DISP3: variants seen among roughly 807,000 people sequenced by gnomAD.
DISP3 encodes dispatched RND transporter family member 3, also known as protein dispatched homolog 3.
DISP3 carries 101 observed loss-of-function variants against 135.3 expected under a neutral mutation model. The ratio of observed to expected loss-of-function variants is 0.75; its 90% CI spans 0.64 to 0.88. The LOEUF (loss-of-function observed/expected upper bound fraction) is 0.88, where lower values mean the gene tolerates loss of function less well. Ranked by LOEUF, DISP3 falls within the 40% of genes least tolerant of loss-of-function variation. DISP3 has a pLI of 0.00. For missense variants in DISP3, 1,713 were observed against 1,878.6 expected (o/e 0.91, Z 1.63); for synonymous variants, 856 against 817.0 (o/e 1.05, Z -0.81).
At chr1:11,496,917 A>G (rs1305117017) in intron 1 of DISP3, among the ~76,000 whole-genome samples, 1 of 152,240 alleles carries the variant, frequency 6.6e-6, no homozygotes, top group African/African-American at 2.4e-5. Flanking sequence ...GGCCACCCAG[A>G]AAGCTGGTGG....
intron 11 of DISP3, 57 bp downstream of exon 11, chr1:11,524,112 C>T (rs575031926): frequency 3.1e-6 from 4 of 1,292,560 alleles, no homozygotes; most frequent in African/African-American, 1.5e-5. Flanking sequence ...GTTGAAGGCC[C>T]TGTAAGGAGA....
intron 19 of DISP3, 128 bp from the exon 20 acceptor site, chr1:11,535,350 A>G: frequency 7.5e-7 from 1 of 1,333,720 alleles, no homozygotes; most frequent in Non-Finnish European, 1.0e-6. Flanking sequence ...CCCCTCCCTC[A>G]GGGGTCCCCT....
rs1642685332 is a variant in DISP3 at position 11,535,486 on chromosome 1, T to C, written c.3658T>C (p.Cys1220Arg). The C allele has an allele frequency of 1.2e-6, 2 of 1,607,438 alleles. No individual in the cohort carries two copies. The highest frequency in any genetic ancestry group is 1.7e-6 in the Non-Finnish European group (2 of 1,176,122). ...PVLLSILGIV[C>R]LVVTIMYWSG... ...CTGCTGTCTCCTTGCAGGCATCGTG[T>C]GCCTGGTGGTGACCATCATGTACTG... Residue 1220 changes from cysteine (C) to arginine (R), a missense_variant, in exon 20 of 21, where the codon TGC becomes CGC. Coordinates refer to ENST00000294484, the MANE Select transcript of DISP3 (RefSeq NM_020780.2).
rs1642509524 is a variant in DISP3 at position 11,529,250 on chromosome 1, T to C, written c.2799-306T>C. Among the ~76,000 whole-genome samples, 1 of 152,068 alleles carries C rather than the reference T, an allele frequency of 6.6e-6. No individual in the cohort carries two copies. The highest frequency in any genetic ancestry group is 1.5e-5 in the Non-Finnish European group (1 of 67,974). ...ACCCTCGTACCCCCGGGGGACAGTT[T>C]GAAAGCTGCTGGTCTTCTCCACCCT... On this transcript the variant is annotated intron_variant, in intron 13 of 20. Coordinates refer to ENST00000294484, the MANE Select transcript of DISP3 (RefSeq NM_020780.2). This position sits in a 1 kb window ranked among gnomAD's most constrained non-coding sequence, Gnocchi z 4.7.
At position 11,531,630 on chromosome 1, in the gene DISP3, C is replaced by T. The variant is rs1642578827; in HGVS notation, c.3295C>T (p.Leu1099=). ...PECKELPEPN[L]LPGQLSHGAV... ...GTGCAAGGAGCTGCCCGAGCCCAAC[C>T]TGCTCCCGGGGCAGCTGTCCCACGG... The change falls in exon 17 of 21, where the codon CTG becomes TTG. Residue 1099 remains leucine (L), a synonymous_variant. Transcript: ENST00000294484. This position sits in a 1 kb window ranked among gnomAD's most constrained non-coding sequence, Gnocchi z 5.2. The T allele has an allele frequency of 1.2e-6, 2 of 1,613,398 alleles. No homozygotes were observed. Among genetic ancestry groups the T allele is most frequent in the Non-Finnish European group, 1.7e-6 (2 of 1,179,940 alleles).
chr1:11,535,530 G>A lies in DISP3; in HGVS notation c.3702G>A (p.Gly1234=), dbSNP rs753068899. ...TIMYWSGWEM[G]AVEAISLSIL... ...TGTACTGGAGCGGCTGGGAGATGGG[G>A]GCTGTGGAAGCCATCTCCCTGTCCA... is the stretch of plus-strand genomic sequence containing the variant. Residue 1234 remains glycine (G), a synonymous_variant, in exon 20 of 21, where the codon GGG becomes GGA. Coordinates refer to ENST00000294484, the MANE Select transcript of DISP3 (RefSeq NM_020780.2). 1.2e-6 allele frequency: 2 copies of A among 1,613,100 alleles called. No individual in the cohort carries two copies. Among genetic ancestry groups the A allele is most frequent in the Non-Finnish European group, 8.5e-7 (1 of 1,179,880 alleles).
Position 11,502,161 on chromosome 1 carries a change from G to GCCAGGCCCAGGCCCAGGC in DISP3, c.1096+84_1096+101dup, listed in dbSNP as rs574431695. On this transcript the variant is annotated intron_variant, in intron 2 of 20. Transcript: ENST00000294484. ...AGCTCTTTATGGAGATTTGGCCCAG[G>GCCAGGCCCAGGCCCAGGC]CCAGGCCCAGGCCCAGGCCCAGGCC... 3.3e-6 allele frequency: 5 copies of GCCAGGCCCAGGCCCAGGC among 1,495,202 alleles called. No homozygotes were observed. The African/African-American group carries it at 4.2e-5, about 13-fold the overall frequency. The allele number at this position is 1,495,202 out of a possible 1,614,324, so 92.6% of individuals were successfully genotyped here.
chr1:11,512,833 C>T (rs1044163112), intron 3 of DISP3, among the ~76,000 whole-genome samples: 35 of 152,248 alleles, frequency 2.3e-4, no homozygotes, highest in Admixed American at 8.5e-4. Context: ...CTTACAGTTC[C>T]GCATGGCTGG....
intron 1 of DISP3, among the ~76,000 whole-genome samples, chr1:11,486,382 A>C (rs1349475596): frequency 6.6e-6 from 1 of 152,174 alleles, no homozygotes. Flanking sequence ...GCCGGAAGAG[A>C]ACCCCCGCCC....
rs185923542 is a variant in DISP3, at chr1:11,488,741, G to A, written c.-4+9369G>A. 7.4e-4 allele frequency among the ~76,000 whole-genome samples: 113 copies of A among 152,258 alleles called. 1 individual carries two copies. The Middle Eastern group carries it at 0.017, about 23-fold the overall frequency. On this transcript the variant is annotated intron_variant, in intron 1 of 20. Transcript: ENST00000294484. ...GGGAGGACTGATTCTAGGACCCTGA[G>A]ATTTTCAAACATGTAAGACTCAAAT... is the stretch of plus-strand genomic sequence containing the variant.
chr1:11,534,758 C>A, intron 18 of DISP3: 1 of 776,212 alleles, frequency 1.3e-6, no homozygotes. Context: ...ACTTTGGCCA[C>A]CTAAAAAGTA....
intron 15 of DISP3, among the ~76,000 whole-genome samples, chr1:11,530,404 T>G (rs1184291518): frequency 2.6e-5 from 4 of 152,152 alleles, no homozygotes; most frequent in Non-Finnish European, 5.9e-5. Flanking sequence ...GTGCTAAGGA[T>G]TCCTAGGAGG....
At position 11,536,955 on chromosome 1, in the gene DISP3, A is replaced by G. The variant is rs1368627830; in HGVS notation, c.*269A>G. 5 of 489,922 alleles carry G rather than the reference A, an allele frequency of 1.0e-5. No individual in the cohort carries two copies. Among genetic ancestry groups the G allele is most frequent in the Non-Finnish European group, 1.8e-5 (5 of 276,512 alleles). The allele number at this position is 489,922 out of a possible 1,614,324, so 30.3% of individuals were successfully genotyped here. A position where few individuals can be genotyped will look rare whatever the true frequency, so the allele number is the denominator to read the frequency against. ...GGCAGAAGAGACCAGCCCTCCTCCC[A>G]TGCCCGGTCACCATGGGGGTCAGGT... On this transcript the variant is annotated 3_prime_UTR_variant, in exon 21 of 21. Coordinates refer to ENST00000294484, the MANE Select transcript of DISP3 (RefSeq NM_020780.2). This position sits in a 1 kb window ranked among gnomAD's most constrained non-coding sequence, Gnocchi z 4.3.
chr1:11,519,225 G>T lies in DISP3; in HGVS notation c.1890-130G>T, dbSNP rs1325665975. ...AGGTGACCAGCTCCCAGAAGTCTGGGGTGCTCATCCTGTGTGTGACGTCAG... is the reference window on the plus strand; with the variant it reads ...AGGTGACCAGCTCCCAGAAGTCTGGTGTGCTCATCCTGTGTGTGACGTCAG... On this transcript the variant is annotated intron_variant, in intron 7 of 20. Transcript: ENST00000294484. This position sits in a 1 kb window ranked among gnomAD's most constrained non-coding sequence, Gnocchi z 4.3. 2 of 1,130,644 alleles carry T rather than the reference G, an allele frequency of 1.8e-6. No individual in the cohort carries two copies. Among genetic ancestry groups the T allele is most frequent in the South Asian group, 1.5e-5 (1 of 64,770 alleles). The allele number at this position is 1,130,644 out of a possible 1,614,324, so 70.0% of individuals were successfully genotyped here.
chr1:11,522,484 A>T (rs1263917017), intron 10 of DISP3, among the ~76,000 whole-genome samples: 1 of 152,018 alleles, frequency 6.6e-6, no homozygotes, highest in African/African-American at 2.4e-5. Context: ...CCTCCTGCCC[A>T]CAGATGGACA....
chr1:11,532,499 C>T (rs1206114041), intron 17 of DISP3, among the ~76,000 whole-genome samples: 1 of 152,186 alleles, frequency 6.6e-6, no homozygotes, highest in Non-Finnish European at 1.5e-5. Context: ...CCCACCCTGA[C>T]TTCCTTCCCA....
At chr1:11,500,929 A>AC in intron 1 of DISP3, 61 bp from the exon 2 acceptor site, 3 of 1,574,668 alleles carry the variant, frequency 1.9e-6, no homozygotes, top group Non-Finnish European at 2.6e-6. Flanking sequence ...GGCGAACTGC[A>AC]CCACAGGGCA....
intron 1 of DISP3, among the ~76,000 whole-genome samples, chr1:11,492,116 C>A (rs1181139687): frequency 1.7e-3 from 178 of 104,456 alleles, no homozygotes; most frequent in African/African-American, 6.3e-3. Context: ...AGCGAGACTC[C>A]GTCTCAAAAA....
At position 11,501,848 on chromosome 1, in the gene DISP3, G is replaced by GAGCGCA; in HGVS notation, c.858_863dup (p.Arg287_Asn288insLysArg). ...CATCTTCCTGGCGCGCGGCGACGCG[G>GAGCGCA]AGCGCAACATTTTCACCAGTGAGCG... On this transcript the variant is annotated inframe_insertion, in exon 2 of 21. Coordinates refer to ENST00000294484, the MANE Select transcript of DISP3 (RefSeq NM_020780.2). This position sits in a 1 kb window ranked among gnomAD's most constrained non-coding sequence, Gnocchi z 4.9. 1 of 1,612,452 alleles carries GAGCGCA rather than the reference G, an allele frequency of 6.2e-7. No individual in the cohort carries two copies. The highest frequency in any genetic ancestry group is 8.5e-7 in the Non-Finnish European group (1 of 1,179,324).
Sources: allele counts gnomAD v4.1 joint callset (sites outside exome capture counted in the v4.1 genomes callset), GRCh38; gene constraint gnomAD v4.1.1; non-coding constraint Gnocchi (gnomAD v3.1); transcripts MANE v1.5; gene names NCBI Gene and HGNC (gene_info 2026-07-23, HGNC 2026-07-21).